FCHSD2: variants seen among roughly 807,000 people sequenced by gnomAD.
FCHSD2 encodes the protein FCH and double SH3 domains 2.
A neutral mutation model predicts 108.1 loss-of-function variants in FCHSD2; 38 were observed. That is an observed-to-expected ratio of 0.35 (90% CI 0.27 to 0.46). The LOEUF (loss-of-function observed/expected upper bound fraction) is 0.46. FCHSD2 is among the 20% of genes least tolerant of loss of function. The pLI, the probability that FCHSD2 is intolerant of heterozygous loss-of-function variation, is 1.00. For missense variants in FCHSD2, 751 were observed against 897.8 expected (o/e 0.84, Z 2.09); for synonymous variants, 279 against 314.7 (o/e 0.89, Z 1.20).
At chr11:73,090,653 G>C (rs1401418494) in intron 2 of FCHSD2, among the ~76,000 whole-genome samples, 1 of 152,090 alleles carries the variant, frequency 6.6e-6, no homozygotes, top group Non-Finnish European at 1.5e-5. Flanking sequence ...AGCCTAACAA[G>C]GGCTCCACAT....
intron 13 of FCHSD2, among the ~76,000 whole-genome samples, chr11:72,852,814 A>G (rs1303276411): frequency 1.3e-5 from 2 of 152,256 alleles, no homozygotes; most frequent in Non-Finnish European, 2.9e-5. Context: ...CTAGGCAGCC[A>G]CAAAAAAGAA....
intron 3 of FCHSD2, among the ~76,000 whole-genome samples, chr11:73,050,674 G>A (rs1373922739): frequency 1.3e-5 from 2 of 152,136 alleles, no homozygotes; most frequent in Non-Finnish European, 2.9e-5. Flanking sequence ...GGGAGATAAT[G>A]GGAACATCTG....
chr11:73,116,682 T>C (rs1374031121), intron 2 of FCHSD2, among the ~76,000 whole-genome samples: 2 of 152,076 alleles, frequency 1.3e-5, no homozygotes, highest in Non-Finnish European at 2.9e-5. Context: ...ACTACAGGCA[T>C]ACACCACCAT....
chr11:72,933,876 A>C (rs1856243633), intron 8 of FCHSD2, among the ~76,000 whole-genome samples: 1 of 152,140 alleles, frequency 6.6e-6, no homozygotes, highest in Non-Finnish European at 1.5e-5. Context: ...TTGGAGGCTT[A>C]GGTGGGCGTA....
intron 8 of FCHSD2, among the ~76,000 whole-genome samples, chr11:72,923,008 C>T (rs548195704): frequency 4.6e-4 from 70 of 152,256 alleles, no homozygotes; most frequent in African/African-American, 1.7e-3. Flanking sequence ...ATGGATTTGC[C>T]TACTCTGGAT....
intron 2 of FCHSD2, among the ~76,000 whole-genome samples, chr11:73,091,545 T>C (rs1040881879): frequency 1.3e-5 from 2 of 151,596 alleles, no homozygotes; most frequent in Admixed American, 1.3e-4. Flanking sequence ...TGAGACTCCA[T>C]CTCAAAAAAA....
chr11:72,869,694 A>G (rs1018388419), intron 12 of FCHSD2: 2 of 152,250 alleles, frequency 1.3e-5, no homozygotes, highest in Non-Finnish European at 2.9e-5. Context: ...GATAGATCAA[A>G]TATAACTTGT....
Position 73,015,818 on chromosome 11 carries a change from T to C in FCHSD2, c.233A>G (p.Asn78Ser). 6.2e-7 allele frequency: 1 copy of C among 1,602,548 alleles called. No individual in the cohort carries two copies. The highest frequency in any genetic ancestry group is 1.1e-5 in the South Asian group (1 of 89,572). Reference protein sequence around the residue: ...DWPGVKADDRNDYRSMYPVWK... With the variant: ...DWPGVKADDRSDYRSMYPVWK... ...AAAACTACTAATTTACCTGTAATCA[T>C]TCCGATCATCAGCTTTTACTCCAGG... Residue 78 changes from asparagine (N) to serine (S), a missense_variant, in exon 4 of 20, where the codon AAT becomes AGT. Asn to Ser is a conservative substitution (Grantham distance 46, BLOSUM62 1). Transcript: ENST00000409418.
intron 4 of FCHSD2, among the ~76,000 whole-genome samples, chr11:73,009,170 T>C (rs1037340734): frequency 6.6e-6 from 1 of 152,138 alleles, no homozygotes; most frequent in Non-Finnish European, 1.5e-5. Context: ...CATGCACTGT[T>C]GGTAAAAAAT....
In FCHSD2 at chr11:72,838,557, C is replaced by T. The variant is rs1264819811; in HGVS notation, c.*234G>A. ...TGCCCCCCTCTTTGCTCCTAGGGTC[C>T]GCTAGGATTTGTGCTATGGTAGGAG... On this transcript the variant is annotated 3_prime_UTR_variant, in exon 20 of 20. Coordinates refer to ENST00000409418, the MANE Select transcript of FCHSD2 (RefSeq NM_014824.3). 18 of 555,320 alleles carry T rather than the reference C, an allele frequency of 3.2e-5. No homozygotes were observed. The highest frequency in any genetic ancestry group is 1.5e-4 in the African/African-American group (8 of 52,772). The allele number at this position is 555,320 out of a possible 1,614,324, so 34.4% of individuals were successfully genotyped here.
chr11:73,087,987 C>T (rs1175808152), intron 2 of FCHSD2, among the ~76,000 whole-genome samples: 1 of 152,104 alleles, frequency 6.6e-6, no homozygotes, highest in Non-Finnish European at 1.5e-5. Context: ...TCAAGTGATC[C>T]TCTCACCTCA....
chr11:72,859,208 T>TA (rs1235281432), intron 13 of FCHSD2, among the ~76,000 whole-genome samples: 1 of 152,194 alleles, frequency 6.6e-6, no homozygotes, highest in African/African-American at 2.4e-5. Flanking sequence ...GTTCCAGAAA[T>TA]AAACAATTCA....
chr11:73,136,921 G>C (rs185599085), intron 2 of FCHSD2, among the ~76,000 whole-genome samples: 1 of 152,174 alleles, frequency 6.6e-6, no homozygotes, highest in Non-Finnish European at 1.5e-5. Context: ...GCAGCTACTA[G>C]GGAGGCTGAG....
intron 3 of FCHSD2, among the ~76,000 whole-genome samples, chr11:73,043,919 C>A (rs896037582): frequency 6.6e-6 from 1 of 152,140 alleles, no homozygotes; most frequent in African/African-American, 2.4e-5. Flanking sequence ...ATTAAAGGAG[C>A]CTGGATCATT....
chr11:73,035,623 A>G (rs974421966), intron 3 of FCHSD2, among the ~76,000 whole-genome samples: 1 of 152,086 alleles, frequency 6.6e-6, no homozygotes, highest in Admixed American at 6.5e-5. Context: ...TCTATTCAAT[A>G]AGTACTTACT....
intron 3 of FCHSD2, among the ~76,000 whole-genome samples, chr11:73,057,072 G>A (rs1591519397): frequency 1.3e-5 from 2 of 152,234 alleles, no homozygotes; most frequent in South Asian, 4.1e-4. Context: ...GACAGAGCAA[G>A]ACTCCGACTC....
At chr11:72,990,049 G>A (rs1258027791) in intron 5 of FCHSD2, among the ~76,000 whole-genome samples, 1 of 152,140 alleles carries the variant, frequency 6.6e-6, no homozygotes, top group Non-Finnish European at 1.5e-5. Context: ...GCTGTTAGGT[G>A]TTAAGAAAGG....
chr11:72,849,957 A>G (rs1238209970), intron 13 of FCHSD2, 68 bp from the exon 14 acceptor site: 1 of 1,242,544 alleles, frequency 8.0e-7, no homozygotes, highest in African/African-American at 1.5e-5. Context: ...CCGGAAAAAC[A>G]CTTAAAACCT....
chr11:72,862,594 G>A (rs148177966), intron 13 of FCHSD2, among the ~76,000 whole-genome samples: 226 of 152,274 alleles, frequency 1.5e-3, no homozygotes, highest in African/African-American at 5.3e-3. Flanking sequence ...CTAAATAAAT[G>A]GAGAAGTATA....
Sources: allele counts gnomAD v4.1 joint callset (sites outside exome capture counted in the v4.1 genomes callset), GRCh38; gene constraint gnomAD v4.1.1; transcripts MANE v1.5; gene names NCBI Gene and HGNC (gene_info 2026-07-23, HGNC 2026-07-21).